Variants in C2CD4D observed in about 807,000 individuals in gnomAD.
C2CD4D encodes the protein C2 calcium-dependent domain-containing protein 4D.
Under a neutral mutation model 0.2 loss-of-function variants are expected in C2CD4D, and 1 was observed. That is an observed-to-expected ratio of 4.00 (90% confidence interval 1.42 to 18.99). C2CD4D has a LOEUF of 18.99. C2CD4D is among the 30% of genes most tolerant of loss of function. C2CD4D has a pLI of 0.11. For synonymous variants in C2CD4D, 269 were observed against 279.8 expected (o/e 0.96, Z 0.39); for missense variants, 552 against 551.2 (o/e 1.00, Z -0.01).
chr1:151,838,665 C>G (rs1652667007), exon 2 of C2CD4D: 1 of 1,365,826 alleles, frequency 7.3e-7, no homozygotes, highest in Non-Finnish European at 9.4e-7. Context: ...GGTGGCGGCC[C>G]GTGGAACAGG....
chr1:151,838,428 C>A, exon 2 of C2CD4D: 1 of 1,419,416 alleles, frequency 7.0e-7, no homozygotes, highest in Non-Finnish European at 9.2e-7. Context: ...GTGGGCGGCC[C>A]GGCGCGGCGC....
At chr1:151,838,793 G>C (rs981913915) in exon 2 of C2CD4D, 1 of 1,361,786 alleles carries the variant, frequency 7.3e-7, no homozygotes, top group Non-Finnish European at 9.4e-7. Context: ...CCGCCGGGCC[G>C]CGGGCACTGC....
At position 151,838,096 on chromosome 1, in the gene C2CD4D, CG is replaced by C; in HGVS notation, c.893del (p.Pro298ArgfsTer8). The C allele has an allele frequency of 6.5e-7, 1 of 1,545,588 alleles. No individual in the cohort carries two copies. Among genetic ancestry groups the C allele is most frequent in the Non-Finnish European group, 8.7e-7 (1 of 1,143,436 alleles). On this transcript the variant is annotated frameshift_variant, in exon 2 of 2. Coordinates refer to ENST00000454109, the Ensembl canonical transcript of C2CD4D. LOFTEE classifies it low-confidence loss of function (END_TRUNC). ...CTCTCAGGCTGCGGGCGGCCAGGTC[CG>C]GGGGGCCGAGCCCGTCGAAAAAGAA...
At chr1:151,839,768 T>G (rs1424690659) in intron 1 of C2CD4D, among the ~76,000 whole-genome samples, 3 of 152,258 alleles carry the variant, frequency 2.0e-5, no homozygotes, top group Non-Finnish European at 4.4e-5. Flanking sequence ...CCACCCCCAG[T>G]AGCCCTGACC....
intron 1 of C2CD4D, among the ~76,000 whole-genome samples, chr1:151,840,045 G>A (rs929145219): frequency 1.3e-5 from 2 of 152,204 alleles, no homozygotes; most frequent in African/African-American, 4.8e-5. Context: ...TCCGTCGCGC[G>A]CCCGGAGTGC....
Position 151,838,486 on chromosome 1 carries a change from AGAGT to A in C2CD4D, c.500_503del (p.His167LeufsTer71), listed in dbSNP as rs1652652972. The A allele has an allele frequency of 5.7e-6, 8 of 1,395,848 alleles. No homozygotes were observed. The highest frequency in any genetic ancestry group is 7.4e-6 in the Non-Finnish European group (8 of 1,078,860). 86.5% of individuals were successfully genotyped at this position (1,395,848 alleles called of 1,614,324 possible). A position where few individuals can be genotyped will look rare whatever the true frequency, so the allele number is the denominator to read the frequency against. ...CCGAGCTCGCTTTTTCTGGGGACAG[AGAGT>A]GAGGCCTGGACACCCGGCGCCGGCC... On this transcript the variant is annotated frameshift_variant, in exon 2 of 2. Coordinates refer to ENST00000454109, the Ensembl canonical transcript of C2CD4D. LOFTEE classifies it low-confidence loss of function (END_TRUNC).
At chr1:151,838,815 C>T in exon 2 of C2CD4D, 1 of 1,428,544 alleles carries the variant, frequency 7.0e-7, no homozygotes, top group Non-Finnish European at 9.1e-7. Context: ...CCGCCCGGGT[C>T]CGGGAGCCGA....
At chr1:151,839,477 C>G (rs958973213) in intron 1 of C2CD4D, among the ~76,000 whole-genome samples, 187 bp downstream of exon 1, 2 of 152,316 alleles carry the variant, frequency 1.3e-5, no homozygotes, top group Middle Eastern at 3.4e-3. Flanking sequence ...CCTCCTCCCC[C>G]GCCCATTTCG....
At chr1:151,838,764 G>A (rs750177782) in exon 2 of C2CD4D, 7 of 1,342,758 alleles carry the variant, frequency 5.2e-6, no homozygotes, top group Non-Finnish European at 6.7e-6. Flanking sequence ...GTCGCGGGGA[G>A]GCCGCGCCCC....
At chr1:151,839,214 T>G (rs111357180) in exon 2 of C2CD4D, 1 of 544,182 alleles carries the variant, frequency 1.8e-6, no homozygotes, top group South Asian at 2.2e-5. Context: ...CGGCGCAGTC[T>G]GGGGGGCTGG....
exon 2 of C2CD4D, chr1:151,838,501 C>G: frequency 5.1e-6 from 7 of 1,378,642 alleles, no homozygotes; most frequent in Non-Finnish European, 6.5e-6. Flanking sequence ...GAGGCCTGGA[C>G]ACCCGGCGCC....
Position 151,838,091 on chromosome 1 carries a change from AG to A in C2CD4D, c.898del (p.Leu300TrpfsTer6). The A allele has an allele frequency of 6.4e-7, 1 of 1,551,014 alleles. No homozygotes were observed. The highest frequency in any genetic ancestry group is 1.2e-5 in the South Asian group (1 of 84,044). On this transcript the variant is annotated frameshift_variant, in exon 2 of 2. Coordinates refer to ENST00000454109, the Ensembl canonical transcript of C2CD4D. LOFTEE classifies it low-confidence loss of function (END_TRUNC). The stretch of plus-strand genomic sequence containing the variant: ...CTTGGCTCTCAGGCTGCGGGCGGCC[AG>A]GTCCGGGGGGCCGAGCCCGTCGAAA...
exon 1 of C2CD4D, chr1:151,840,417 C>T (rs1410775248): frequency 6.6e-6 from 1 of 152,320 alleles, no homozygotes; most frequent in Non-Finnish European, 1.5e-5. Flanking sequence ...GGTTCCAACC[C>T]CAGCCCTCAC....
chr1:151,839,396 A>G (rs562145721), intron 1 of C2CD4D, among the ~76,000 whole-genome samples, 176 bp from the exon 2 acceptor site: 17 of 152,302 alleles, frequency 1.1e-4, no homozygotes, highest in Non-Finnish European at 2.5e-4. Flanking sequence ...AAATAGGATA[A>G]TAACCGCATT....
intron 1 of C2CD4D, among the ~76,000 whole-genome samples, 29 bp downstream of exon 1, chr1:151,839,635 G>C (rs1298324614): frequency 6.6e-6 from 1 of 151,932 alleles, no homozygotes; most frequent in East Asian, 1.9e-4. Context: ...TCCCCTCCTC[G>C]AGTCGCTCCA....
At chr1:151,839,182 A>G in exon 2 of C2CD4D, 1 of 577,920 alleles carries the variant, frequency 1.7e-6, no homozygotes, top group Non-Finnish European at 3.0e-6. Context: ...GCGGACCCCT[A>G]TTTGAGCAGA....
exon 2 of C2CD4D, chr1:151,838,272 T>C (rs2101687460): frequency 1.5e-6 from 2 of 1,316,860 alleles, no homozygotes; most frequent in South Asian, 2.4e-5. Context: ...CCCTCGGCGC[T>C]CACTAGGCGC....
exon 2 of C2CD4D, chr1:151,838,383 G>C (rs1291997461): frequency 1.4e-6 from 2 of 1,439,014 alleles, no homozygotes; most frequent in Non-Finnish European, 1.8e-6. Context: ...GGCCGCAGCT[G>C]GCAGCACAGG....
Position 151,837,986 on chromosome 1 carries a change from G to A in C2CD4D, c.1004C>T (p.Pro335Leu), listed in dbSNP as rs761289176. ...CCCGGGACCTAGTCCCCCACCCAGC[G>A]GGGGCAGCAGCGCAATGAGGGGCGT... The change falls in exon 2 of 2, where the codon CCG (proline) becomes CTG (leucine). Residue 335 changes from proline (P) to leucine (L), a missense_variant. Coordinates refer to ENST00000454109, the Ensembl canonical transcript of C2CD4D. 4 of 1,549,902 alleles carry A rather than the reference G, an allele frequency of 2.6e-6. No individual in the cohort carries two copies. The South Asian group carries it at 3.6e-5, about 14-fold the overall frequency.
Sources: allele counts gnomAD v4.1 joint callset (sites outside exome capture counted in the v4.1 genomes callset), GRCh38; gene constraint gnomAD v4.1.1; transcripts MANE v1.5; gene names NCBI Gene and HGNC (gene_info 2026-07-23, HGNC 2026-07-21).